The following LRMDA variants were observed in gnomAD, a reference collection of about 807,000 sequenced individuals.
The protein encoded by LRMDA is leucine-rich melanocyte differentiation-associated protein.
A neutral mutation model predicts 29.8 loss-of-function variants in LRMDA; 18 were observed. The observed-to-expected ratio is 0.60, with a 90% CI of 0.42 to 0.90. The LOEUF is 0.90. Among genes scored for constraint, LRMDA ranks in the 40% least tolerant of loss-of-function variants. The pLI is 0.00. For missense variants in LRMDA, 273 were observed against 273.9 expected, an observed-to-expected ratio of 1.00 and a Z score of 0.02; for synonymous variants, 125 against 109.4, an observed-to-expected ratio of 1.14 and a Z score of -0.89.
At chr10:75,580,960 AAAACCGTGGAAGC>A (rs1357926728) in intron 2 of LRMDA, among the ~76,000 whole-genome samples, 1 of 152,254 alleles carries the variant, frequency 6.6e-6, no homozygotes, top group African/African-American at 2.4e-5. Flanking sequence ...TAAAACCATA[AAAACCGTGGAAGC>A]AAACCTAGGC....
chr10:76,276,053 CTCTTTCTT>C (rs748258156), intron 5 of LRMDA, among the ~76,000 whole-genome samples: 5 of 140,024 alleles, frequency 3.6e-5, no homozygotes, highest in Non-Finnish European at 6.2e-5. Flanking sequence ...ATCTATCTAT[CTCTTTCTT>C]TCTCTCTTTC....
At chr10:75,854,719 TC>T (rs894629779) in intron 2 of LRMDA, among the ~76,000 whole-genome samples, 23 of 138,278 alleles carry the variant, frequency 1.7e-4, no homozygotes, top group African/African-American at 6.0e-4. Context: ...CCCTCCCCAC[TC>T]CCCCCACCCC....
At chr10:75,913,932 G>A (rs1418055372) in intron 2 of LRMDA, among the ~76,000 whole-genome samples, 3 of 152,208 alleles carry the variant, frequency 2.0e-5, no homozygotes, top group East Asian at 3.9e-4. Context: ...TTGCCCCGCC[G>A]TGGGGGTAAG....
chr10:75,989,093 A>G (rs1383258340), intron 2 of LRMDA, among the ~76,000 whole-genome samples: 1 of 151,932 alleles, frequency 6.6e-6, no homozygotes, highest in Non-Finnish European at 1.5e-5. Context: ...CGGGAATCCA[A>G]CTCCACAAGG....
chr10:75,437,728 AG>A (rs917411472), intron 1 of LRMDA, among the ~76,000 whole-genome samples: 23 of 152,230 alleles, frequency 1.5e-4, no homozygotes, highest in African/African-American at 5.5e-4. Context: ...GAATGCCCAA[AG>A]AAACAGCTTT....
intron 2 of LRMDA, among the ~76,000 whole-genome samples, chr10:75,493,409 G>A (rs1158556435): frequency 6.8e-6 from 1 of 147,368 alleles, no homozygotes; most frequent in African/African-American, 2.5e-5. Flanking sequence ...AAATCAGAGT[G>A]GGAAAATGGC....
chr10:75,850,690 C>T (rs747116482), intron 2 of LRMDA, among the ~76,000 whole-genome samples: 33 of 152,240 alleles, frequency 2.2e-4, no homozygotes, highest in African/African-American at 6.7e-4. Context: ...TAAGATCACT[C>T]GGTTCGGTTC....
At chr10:75,487,806 C>T (rs1486398493) in intron 2 of LRMDA, among the ~76,000 whole-genome samples, 1 of 152,208 alleles carries the variant, frequency 6.6e-6, no homozygotes, top group Non-Finnish European at 1.5e-5. Context: ...CTTGGAAGAG[C>T]AGGCTTTGTT....
At chr10:76,461,366 T>G (rs74608805) in intron 6 of LRMDA, among the ~76,000 whole-genome samples, 135 of 152,248 alleles carry the variant, frequency 8.9e-4, no homozygotes, top group Non-Finnish European at 1.6e-3. Flanking sequence ...TCTACTAAAA[T>G]GTCAGTCCTG....
At chr10:76,110,226 T>G (rs1037484343) in intron 5 of LRMDA, among the ~76,000 whole-genome samples, 1 of 152,188 alleles carries the variant, frequency 6.6e-6, no homozygotes, top group East Asian at 1.9e-4. Context: ...AGTTGGCCGA[T>G]CTGTTCCACA....
At chr10:76,276,356 C>T (rs1054474794) in intron 5 of LRMDA, among the ~76,000 whole-genome samples, 6 of 151,798 alleles carry the variant, frequency 4.0e-5, no homozygotes, top group African/African-American at 1.5e-4. Flanking sequence ...GTTGTCCAGA[C>T]TGGTCTCAAG....
chr10:76,063,968 G>A (rs915110584), intron 5 of LRMDA, among the ~76,000 whole-genome samples: 9 of 152,100 alleles, frequency 5.9e-5, no homozygotes, highest in African/African-American at 1.7e-4. Context: ...TGTTTTGTTC[G>A]TTTCTGTATC....
intron 6 of LRMDA, among the ~76,000 whole-genome samples, chr10:76,468,973 C>T (rs1842591687): frequency 6.6e-6 from 1 of 152,086 alleles, no homozygotes; most frequent in Non-Finnish European, 1.5e-5. Context: ...GACCTGCTCC[C>T]CAGTGAAGCA....
chr10:75,749,584 T>C (rs1842928866), intron 2 of LRMDA, among the ~76,000 whole-genome samples: 1 of 152,100 alleles, frequency 6.6e-6, no homozygotes, highest in Non-Finnish European at 1.5e-5. Context: ...CTGAAATTAT[T>C]GGTTTTTTGG....
intron 6 of LRMDA, among the ~76,000 whole-genome samples, chr10:76,461,414 G>A (rs918913358): frequency 8.5e-5 from 13 of 152,186 alleles, no homozygotes; most frequent in African/African-American, 3.1e-4. Context: ...CAGGCTATGA[G>A]CACTGAGATT....
chr10:76,061,968 C>A (rs892494699), intron 5 of LRMDA, among the ~76,000 whole-genome samples: 1 of 152,180 alleles, frequency 6.6e-6, no homozygotes, highest in Non-Finnish European at 1.5e-5. Context: ...GGCTGGTTCT[C>A]ACCTGTTCAC....
chr10:75,687,311 T>G (rs1266862784), intron 2 of LRMDA, among the ~76,000 whole-genome samples: 1 of 152,174 alleles, frequency 6.6e-6, no homozygotes, highest in Non-Finnish European at 1.5e-5. Context: ...TGAAGGAAAT[T>G]CAAAGTGCTA....
intron 5 of LRMDA, among the ~76,000 whole-genome samples, chr10:76,160,681 T>G (rs1384951320): frequency 2.6e-5 from 4 of 152,122 alleles, no homozygotes; most frequent in Non-Finnish European, 5.9e-5. Flanking sequence ...AAAATATAGT[T>G]TTAGAACCAA....
At chr10:76,373,316 C>T (rs7083461) in intron 6 of LRMDA, among the ~76,000 whole-genome samples, 39,575 of 151,716 alleles carry the variant, frequency 0.26, 6,081 homozygotes, top group Non-Finnish European at 0.36. Flanking sequence ...TCAGCATTGG[C>T]GATGTGAGGA....
Sources: allele counts gnomAD v4.1 joint callset (sites outside exome capture counted in the v4.1 genomes callset), GRCh38; gene constraint gnomAD v4.1.1; transcripts MANE v1.5; gene names NCBI Gene and HGNC (gene_info 2026-07-23, HGNC 2026-07-21).